Variants in CAMKMT observed in about 807,000 individuals in gnomAD.
CAMKMT encodes CaM KMT.
CAMKMT carries 53 observed loss-of-function variants against 48.0 expected under a neutral mutation model. That is an observed-to-expected ratio of 1.10 (90% CI 0.89 to 1.39). The LOEUF (loss-of-function observed/expected upper bound fraction) is 1.39. Ranked by LOEUF, CAMKMT falls within the 40% of genes most tolerant of loss-of-function variation. The probability of loss-of-function intolerance (pLI) is 0.00; values close to 1 mark genes in which losing one functional copy is unlikely to be tolerated. For synonymous variants in CAMKMT, 165 were observed against 152.3 expected, an observed-to-expected ratio of 1.08 and a Z score of -0.61; for missense variants, 428 against 402.7, an observed-to-expected ratio of 1.06 and a Z score of -0.54.
intron 3 of CAMKMT, among the ~76,000 whole-genome samples, chr2:44,501,618 TA>T (rs1462559734): frequency 2.0e-5 from 3 of 152,172 alleles, no homozygotes; most frequent in African/African-American, 7.2e-5. Flanking sequence ...TTTGTCCTAT[TA>T]AAAAATTAAT....
intron 3 of CAMKMT, among the ~76,000 whole-genome samples, chr2:44,522,273 G>C (rs973693368): frequency 4.6e-5 from 7 of 151,916 alleles, no homozygotes; most frequent in South Asian, 2.1e-4. Flanking sequence ...TCAAATTGCT[G>C]GGATTACAGG....
chr2:44,526,789 A>T (rs1486776339), intron 3 of CAMKMT, among the ~76,000 whole-genome samples: 1 of 152,182 alleles, frequency 6.6e-6, no homozygotes, highest in Non-Finnish European at 1.5e-5. Context: ...ATAGTATTTT[A>T]TCAGCTATCT....
intron 3 of CAMKMT, among the ~76,000 whole-genome samples, chr2:44,588,006 C>T (rs1292011676): frequency 1.1e-4 from 15 of 140,282 alleles, no homozygotes; most frequent in Admixed American, 1.4e-4. Flanking sequence ...CGTCTCTGCC[C>T]GGCCGCCATC....
intron 3 of CAMKMT, among the ~76,000 whole-genome samples, chr2:44,599,480 C>T (rs933715103): frequency 5.3e-5 from 8 of 152,034 alleles, no homozygotes; most frequent in Admixed American, 3.3e-4. Flanking sequence ...ATATCGTTTT[C>T]CTTTAGAGCC....
At position 44,399,738 on chromosome 2, in the gene CAMKMT, C is replaced by T. The variant is rs369120808; in HGVS notation, c.376+9433C>T. ...TTCGTCATGATAGAATTGAGGAAGA[C>T]GGCTGTCAATGTAGGATTTTTCTTG... On this transcript the variant is annotated intron_variant, in intron 3 of 10. Transcript: ENST00000378494. Among the ~76,000 whole-genome samples the T allele has an allele frequency of 8.6e-5, 13 of 151,998 alleles. No individual in the cohort carries two copies. The East Asian group carries it at 9.7e-4, about 11-fold the overall frequency.
At chr2:44,668,770 CTTTTCTT>C (rs1171225529) in intron 3 of CAMKMT, among the ~76,000 whole-genome samples, 12 of 152,042 alleles carry the variant, frequency 7.9e-5, no homozygotes, top group South Asian at 2.1e-4. Flanking sequence ...CATTTACTTG[CTTTTCTT>C]TTTTCTTTTT....
chr2:44,508,472 A>G (rs1670371206), intron 3 of CAMKMT, among the ~76,000 whole-genome samples: 1 of 152,194 alleles, frequency 6.6e-6, no homozygotes, highest in Non-Finnish European at 1.5e-5. Flanking sequence ...CCGAGCTTTC[A>G]TGCACAATGA....
At chr2:44,716,330 A>G (rs1404297106) in intron 7 of CAMKMT, among the ~76,000 whole-genome samples, 2 of 152,162 alleles carry the variant, frequency 1.3e-5, no homozygotes, top group Non-Finnish European at 2.9e-5. Flanking sequence ...GGACACACCC[A>G]CGATACAGCC....
intron 3 of CAMKMT, among the ~76,000 whole-genome samples, chr2:44,638,624 G>A (rs554268383): frequency 1.3e-5 from 2 of 152,176 alleles, no homozygotes; most frequent in Non-Finnish European, 2.9e-5. Context: ...TAAAATTGTA[G>A]GGTGCAACAT....
intron 1 of CAMKMT, among the ~76,000 whole-genome samples, chr2:44,370,832 A>C (rs997297905): frequency 6.6e-6 from 1 of 152,076 alleles, no homozygotes; most frequent in African/African-American, 2.4e-5. Flanking sequence ...TTTTTCAGAG[A>C]TAGAGCCTCA....
intron 3 of CAMKMT, among the ~76,000 whole-genome samples, chr2:44,520,140 A>G (rs1671028547): frequency 6.6e-6 from 1 of 151,988 alleles, no homozygotes; most frequent in Non-Finnish European, 1.5e-5. Context: ...AATGGCGTGA[A>G]CCTGGGAGGC....
chr2:44,407,987 G>A lies in CAMKMT; in HGVS notation c.376+17682G>A, dbSNP rs191415708. Among the ~76,000 whole-genome samples the A allele has an allele frequency of 1.1e-3, 168 of 151,082 alleles. 1 individual carries two copies. The highest frequency in any genetic ancestry group is 3.8e-3 in the African/African-American group (154 of 41,052). ...GATCAGGGAAACTTAATTGAGGCCT[G>A]GGTTGGTTTAGAGGCAGAAGACAAC... is the stretch of plus-strand genomic sequence containing the variant. On this transcript the variant is annotated intron_variant, in intron 3 of 10. Transcript: ENST00000378494.
intron 8 of CAMKMT, among the ~76,000 whole-genome samples, chr2:44,749,972 T>C (rs548686478): frequency 6.6e-6 from 1 of 152,278 alleles, no homozygotes; most frequent in African/African-American, 2.4e-5. Flanking sequence ...AGGCCCCTCA[T>C]GGAGATGGCT....
At chr2:44,595,243 G>T (rs1203213346) in intron 3 of CAMKMT, among the ~76,000 whole-genome samples, 2 of 151,448 alleles carry the variant, frequency 1.3e-5, no homozygotes, top group East Asian at 3.9e-4. Flanking sequence ...AGACAGTGTG[G>T]CAATTCACCA....
At chr2:44,673,095 T>C (rs77492707) in intron 3 of CAMKMT, among the ~76,000 whole-genome samples, 2,608 of 152,224 alleles carry the variant, frequency 0.017, 30 homozygotes, top group African/African-American at 0.028. Flanking sequence ...TAATTGGCAC[T>C]ACGGGCAAAG....
chr2:44,486,355 T>C (rs963093509), intron 3 of CAMKMT, among the ~76,000 whole-genome samples: 1 of 152,210 alleles, frequency 6.6e-6, no homozygotes, highest in Non-Finnish European at 1.5e-5. Context: ...TAAACAAGTT[T>C]AATAAAAAAG....
chr2:44,647,116 G>A (rs1673777701), intron 3 of CAMKMT, among the ~76,000 whole-genome samples: 1 of 152,150 alleles, frequency 6.6e-6, no homozygotes, highest in Non-Finnish European at 1.5e-5. Flanking sequence ...GGCTAACATG[G>A]TGAAACTATG....
chr2:44,596,436 G>A (rs1252266775), intron 3 of CAMKMT, among the ~76,000 whole-genome samples: 6 of 151,620 alleles, frequency 4.0e-5, no homozygotes, highest in Non-Finnish European at 7.4e-5. Context: ...GTAACAGAGC[G>A]AGACTCTGTC....
At chr2:44,432,389 C>G (rs558509197) in intron 3 of CAMKMT, among the ~76,000 whole-genome samples, 2 of 152,114 alleles carry the variant, frequency 1.3e-5, no homozygotes, top group South Asian at 4.1e-4. Flanking sequence ...GCACTGATTA[C>G]GAAGGCACCC....
Sources: allele counts gnomAD v4.1 joint callset (sites outside exome capture counted in the v4.1 genomes callset), GRCh38; gene constraint gnomAD v4.1.1; transcripts MANE v1.5; gene names NCBI Gene and HGNC (gene_info 2026-07-23, HGNC 2026-07-21).